SIPA1L3: variants seen among roughly 807,000 people sequenced by gnomAD.
SIPA1L3 encodes signal induced proliferation associated 1 like 3, also known as signal-induced proliferation-associated 1-like protein 3.
SIPA1L3 carries 59 observed loss-of-function variants against 150.1 expected under a neutral mutation model. That is an observed-to-expected ratio of 0.39 (90% CI 0.32 to 0.49). The LOEUF is 0.49. Ranked by LOEUF, SIPA1L3 falls within the 20% of genes least tolerant of loss-of-function variation. SIPA1L3 has a pLI of 0.86. For missense variants in SIPA1L3, 2,211 were observed against 2,489.5 expected (o/e 0.89, Z 2.38); for synonymous variants, 1,070 against 1,077.6 (o/e 0.99, Z 0.14).
At chr19:38,011,588 T>G (rs1276484315) in intron 1 of SIPA1L3, among the ~76,000 whole-genome samples, 1 of 152,170 alleles carries the variant, frequency 6.6e-6, no homozygotes, top group Non-Finnish European at 1.5e-5. Context: ...GAAGCCTGCC[T>G]TGAGAATAGC....
At chr19:37,920,721 T>C (rs1045539391) in intron 1 of SIPA1L3, among the ~76,000 whole-genome samples, 5 of 152,222 alleles carry the variant, frequency 3.3e-5, no homozygotes, top group African/African-American at 1.2e-4. Flanking sequence ...TTTCTTTTTT[T>C]TGTCTCTATT....
chr19:37,922,066 C>T (rs889314000), intron 1 of SIPA1L3, among the ~76,000 whole-genome samples: 2 of 152,094 alleles, frequency 1.3e-5, no homozygotes, highest in Admixed American at 6.6e-5. Flanking sequence ...CAGCAAACCC[C>T]AAATGCTGAT....
At chr19:38,144,508 C>G (rs1398017109) in intron 12 of SIPA1L3, among the ~76,000 whole-genome samples, 1 of 152,236 alleles carries the variant, frequency 6.6e-6, no homozygotes, top group African/African-American at 2.4e-5. Context: ...GATTATTGGG[C>G]CTGAGCCCCA....
intron 2 of SIPA1L3, among the ~76,000 whole-genome samples, chr19:38,063,217 C>T (rs1969491837): frequency 6.6e-6 from 1 of 152,148 alleles, no homozygotes; most frequent in African/African-American, 2.4e-5. Flanking sequence ...CTCCCCACTC[C>T]AACCTGGATA....
chr19:38,186,507 T>G (rs1044179930), intron 16 of SIPA1L3, among the ~76,000 whole-genome samples: 103 of 151,226 alleles, frequency 6.8e-4, no homozygotes, highest in Non-Finnish European at 1.1e-3. Flanking sequence ...TTTGTTTTGT[T>G]TTGTTCTTCT....
intron 1 of SIPA1L3, among the ~76,000 whole-genome samples, chr19:37,917,353 G>A (rs927390017): frequency 3.3e-5 from 5 of 152,220 alleles, no homozygotes; most frequent in East Asian, 1.9e-4. Flanking sequence ...TTATCTTGGC[G>A]GAGAAGGGCA....
intron 16 of SIPA1L3, among the ~76,000 whole-genome samples, chr19:38,191,625 C>A (rs1972805510): frequency 1.3e-5 from 2 of 151,994 alleles, no homozygotes; most frequent in South Asian, 4.2e-4. Context: ...CCAGCCTGGC[C>A]AACATGGAGA....
In SIPA1L3 at chr19:38,082,928, G is replaced by T; in HGVS notation, c.1363G>T (p.Gly455Cys). ...GGCTTCCGTGGGCTCCCCGAGCAGC[G>T]GCGAGGGCCACCTGGCAGAGCCCGC... ...SRASVGSPSS[G>C]EGHLAEPALS... The change falls in exon 3 of 22, where the codon GGC becomes TGC. Residue 455 changes from glycine to cysteine, a missense_variant. Transcript: ENST00000222345. The T allele has an allele frequency of 1.2e-6, 2 of 1,613,114 alleles. No individual in the cohort carries two copies. The highest frequency in any genetic ancestry group is 1.7e-6 in the Non-Finnish European group (2 of 1,179,912).
rs531683571 is a variant in SIPA1L3, at chr19:38,059,682, G to A, written c.-310-21574G>A. On this transcript the variant is annotated intron_variant, in intron 2 of 21. Coordinates refer to ENST00000222345, the MANE Select transcript of SIPA1L3 (RefSeq NM_015073.3). ...GTAAAACGTGAATACACAGTTTACCGAAGAATTCCAAAGCAAGCACTCAGG... is the reference window on the plus strand; with the variant it reads ...GTAAAACGTGAATACACAGTTTACCAAAGAATTCCAAAGCAAGCACTCAGG... 2.8e-4 allele frequency among the ~76,000 whole-genome samples: 43 copies of A among 152,224 alleles called. No homozygotes were observed. In the East Asian group the frequency reaches 4.8e-3, roughly 17 times the overall value.
chr19:38,063,565 A>G (rs562710308), intron 2 of SIPA1L3, among the ~76,000 whole-genome samples: 3 of 152,340 alleles, frequency 2.0e-5, no homozygotes, highest in African/African-American at 7.2e-5. Context: ...TTCAGTGGCA[A>G]TTAGCTGGGA....
At chr19:38,178,557 C>G (rs562875387) in intron 15 of SIPA1L3, among the ~76,000 whole-genome samples, 23 of 152,240 alleles carry the variant, frequency 1.5e-4, no homozygotes, top group Non-Finnish European at 1.5e-5. Flanking sequence ...CTCACTGCAA[C>G]CTCCGCCTCC....
At chr19:37,974,383 CG>C (rs1379615013) in intron 1 of SIPA1L3, among the ~76,000 whole-genome samples, 4 of 151,870 alleles carry the variant, frequency 2.6e-5, no homozygotes, top group African/African-American at 9.7e-5. Context: ...TACAGTGGTA[CG>C]TGCCTATAGT....
chr19:37,914,408 C>T (rs572620181), intron 1 of SIPA1L3, among the ~76,000 whole-genome samples: 4 of 147,406 alleles, frequency 2.7e-5, no homozygotes, highest in Admixed American at 1.4e-4. Context: ...TCTGCTCTGT[C>T]GCCCAGGCTG....
chr19:38,137,567 TG>T (rs2145931296), intron 10 of SIPA1L3, among the ~76,000 whole-genome samples: 1 of 152,164 alleles, frequency 6.6e-6, no homozygotes, highest in South Asian at 2.1e-4. Context: ...TCCCAAATGC[TG>T]GGATTATAGG....
At chr19:38,088,681 C>T in intron 3 of SIPA1L3, 40 bp from the exon 4 acceptor site, 1 of 1,603,194 alleles carries the variant, frequency 6.2e-7, no homozygotes, top group African/African-American at 1.3e-5. Flanking sequence ...CCCTCCTTCC[C>T]AGACAGCTGA....
intron 10 of SIPA1L3, among the ~76,000 whole-genome samples, chr19:38,133,837 G>T (rs1460580371): frequency 1.3e-5 from 2 of 152,176 alleles, no homozygotes; most frequent in African/African-American, 4.8e-5. Flanking sequence ...AACTTGTAAA[G>T]CACGTAGGAC....
At chr19:37,999,150 T>C (rs1465282592) in intron 1 of SIPA1L3, among the ~76,000 whole-genome samples, 1 of 152,114 alleles carries the variant, frequency 6.6e-6, no homozygotes, top group Non-Finnish European at 1.5e-5. Flanking sequence ...TCATCCCCTT[T>C]GTGAGGAGAC....
chr19:38,119,520 A>T lies in SIPA1L3; in HGVS notation c.2506A>T (p.Thr836Ser), dbSNP rs1452411875. Reference sequence around the variant, plus strand: ...CCTGGCCGAAAACTGTGTCTCCAACACCCCCATCGACTCCACCGGCAAATT... The same window carrying T: ...CCTGGCCGAAAACTGTGTCTCCAACTCCCCCATCGACTCCACCGGCAAATT... The part of the protein sequence containing the change: ...KDLAENCVSN[T>S]PIDSTGKFNL... The change falls in exon 9 of 22, where the codon ACC becomes TCC. Residue 836 changes from threonine to serine, a missense_variant. This residue lies in a region of SIPA1L3 where 625 missense variants were observed against 804.2 expected (regional missense o/e 0.78). Coordinates refer to ENST00000222345, the MANE Select transcript of SIPA1L3 (RefSeq NM_015073.3). The T allele has an allele frequency of 6.2e-7, 1 of 1,613,426 alleles. No homozygotes were observed. Among genetic ancestry groups the T allele is most frequent in the East Asian group, 2.2e-5 (1 of 44,866 alleles).
At chr19:38,175,946 G>A (rs548220887) in intron 15 of SIPA1L3, among the ~76,000 whole-genome samples, 3 of 151,788 alleles carry the variant, frequency 2.0e-5, no homozygotes, top group East Asian at 2.0e-4. Flanking sequence ...TGTGGCTCAC[G>A]CCTGTAATCC....
Sources: allele counts gnomAD v4.1 joint callset (sites outside exome capture counted in the v4.1 genomes callset), GRCh38; gene constraint gnomAD v4.1.1; regional missense constraint gnomAD v4.1.1; transcripts MANE v1.5; gene names NCBI Gene and HGNC (gene_info 2026-07-23, HGNC 2026-07-21).